Variants in GYS1 observed in about 807,000 individuals in gnomAD.
GYS1 encodes glycogen [starch] synthase, muscle.
A neutral mutation model predicts 89.1 loss-of-function variants in GYS1; 60 were observed. That is an observed-to-expected ratio of 0.67 (90% confidence interval 0.55 to 0.84). The LOEUF (loss-of-function observed/expected upper bound fraction) is 0.84, where lower values mean the gene tolerates loss of function less well. GYS1 is among the 40% of genes least tolerant of loss of function. The probability of loss-of-function intolerance (pLI) is 0.00; values close to 1 mark genes in which losing one functional copy is unlikely to be tolerated. For synonymous variants in GYS1, 366 were observed against 401.7 expected (o/e 0.91, Z 1.06); for missense variants, 888 against 1,003.1 (o/e 0.89, Z 1.55).
At chr19:48,970,441 G>A (rs1240596542) in intron 14 of GYS1, 105 bp downstream of exon 14, 11 of 956,680 alleles carry the variant, frequency 1.1e-5, no homozygotes, top group Non-Finnish European at 1.8e-5. Context: ...TGCTTAAAGG[G>A]ACAGCAACTG....
In GYS1 at chr19:48,968,456, G is replaced by A. The variant is rs2038494748; in HGVS notation, c.*832C>T. On this transcript the variant is annotated 3_prime_UTR_variant, in exon 16 of 16. Transcript: ENST00000323798. ...CAGTGGGCAGAGCAGTTGGGAATAA[G>A]CCAGGTTAGGGGTGGGGGAAGACAG... 8.8e-6 allele frequency: 4 copies of A among 454,572 alleles called. No homozygotes were observed. The highest frequency in any genetic ancestry group is 1.8e-5 in the Non-Finnish European group (4 of 226,794). 28.2% of individuals were successfully genotyped at this position (454,572 alleles called of 1,614,324 possible). A position where few individuals can be genotyped will look rare whatever the true frequency, so the allele number is the denominator to read the frequency against.
Position 48,977,973 on chromosome 19 carries a change from A to C in GYS1, c.1259T>G (p.Leu420Arg). Residue 420 changes from leucine (L) to arginine (R), a missense_variant, in exon 10 of 16, where the codon CTG becomes CGG. Physicochemically the swap from Leu to Arg is moderately radical, Grantham distance 102. Transcript: ENST00000323798. ...CATCATAGTGAAGTCTTCCTTATCC[A>C]GCATCTTGTTCATGTCGGGAAGGCT... ...VGSLPDMNKM[L>R]DKEDFTMMKR... 6.2e-7 allele frequency: 1 copy of C among 1,613,946 alleles called. No homozygotes were observed. Among genetic ancestry groups the C allele is most frequent in the South Asian group, 1.1e-5 (1 of 91,070 alleles).
chr19:48,992,943 C>A, intron 1 of GYS1, 52 bp downstream of exon 1: 1 of 1,044,370 alleles, frequency 9.6e-7, no homozygotes, highest in Non-Finnish European at 1.5e-6. Flanking sequence ...GTTCCGGGCC[C>A]CCATCCACTA....
chr19:48,982,705 A>G lies in GYS1; in HGVS notation c.941+15T>C. On this transcript the variant is annotated intron_variant, in intron 6 of 15. Coordinates refer to ENST00000323798, the MANE Select transcript of GYS1 (RefSeq NM_002103.5). ...CGCCCTCCTCTCTTAAGACCTAGGT[A>G]TATGCCCCACGTACCCATAAAAATG... 6.6e-7 allele frequency: 1 copy of G among 1,508,446 alleles called. No homozygotes were observed. The allele number at this position is 1,508,446 out of a possible 1,614,324, so 93.4% of individuals were successfully genotyped here.
intron 8 of GYS1, among the ~76,000 whole-genome samples, chr19:48,980,988 C>G (rs1358882636): frequency 6.6e-6 from 1 of 151,908 alleles, no homozygotes; most frequent in Non-Finnish European, 1.5e-5. Flanking sequence ...GTGGCACACC[C>G]CTGTAGTCCC....
At chr19:48,983,522 C>T (rs1045815323) in intron 5 of GYS1, among the ~76,000 whole-genome samples, 3 of 152,144 alleles carry the variant, frequency 2.0e-5, no homozygotes, top group African/African-American at 7.2e-5. Context: ...TAGGATATAT[C>T]CTCTACTTCC....
In GYS1 at chr19:48,968,245, T is replaced by C. The variant is rs542791878; in HGVS notation, c.*1043A>G. The C allele has an allele frequency of 2.2e-6, 1 of 454,166 alleles. No individual in the cohort carries two copies. The highest frequency in any genetic ancestry group is 4.4e-6 in the Non-Finnish European group (1 of 226,760). 28.1% of individuals were successfully genotyped at this position (454,166 alleles called of 1,614,324 possible). A position where few individuals can be genotyped will look rare whatever the true frequency, so the allele number is the denominator to read the frequency against. ...CGGTGCAGACACAGCACAGCACACA[T>C]GAGGGGCCCTCCCTTTCACCAAAGC... On this transcript the variant is annotated 3_prime_UTR_variant, in exon 16 of 16. Transcript: ENST00000323798.
chr19:48,979,931 G>C lies in GYS1; in HGVS notation c.1169+1599C>G, dbSNP rs566485805. On this transcript the variant is annotated intron_variant, in intron 8 of 15. Coordinates refer to ENST00000323798, the MANE Select transcript of GYS1 (RefSeq NM_002103.5). ...CAAAGTGCCGGGATTACAGGTGTGA[G>C]CCACCACGCCCGACTTCTTTTTTAT... Among the ~76,000 whole-genome samples the C allele has an allele frequency of 7.7e-4, 117 of 152,102 alleles. 1 individual carries two copies. Among genetic ancestry groups the C allele is most frequent in the African/African-American group, 2.7e-3 (114 of 41,494 alleles).
At chr19:48,973,574 C>A (rs996129553) in intron 12 of GYS1, among the ~76,000 whole-genome samples, 6 of 144,430 alleles carry the variant, frequency 4.2e-5, no homozygotes, top group African/African-American at 1.6e-4. Flanking sequence ...TGCCGGAGTG[C>A]AGTGGCATGA....
chr19:48,975,333 C>G (rs1378256964), intron 10 of GYS1, among the ~76,000 whole-genome samples: 1 of 151,484 alleles, frequency 6.6e-6, no homozygotes, highest in African/African-American at 2.4e-5. Context: ...TTTGGCCTCC[C>G]GAAGTGCTGG....
rs1279986067 is a variant in GYS1, at chr19:48,977,960, G to A, written c.1272C>T (p.Asp424=). The part of the protein sequence containing the change: ...PDMNKMLDKE[D]FTMMKRAIFA... Reference sequence around the variant, plus strand: ...AGATGGCTCTCTTCATCATAGTGAAGTCTTCCTTATCCAGCATCTTGTTCA... The same window carrying A: ...AGATGGCTCTCTTCATCATAGTGAAATCTTCCTTATCCAGCATCTTGTTCA... Residue 424 remains aspartate (D), a synonymous_variant, in exon 10 of 16, where the codon GAC becomes GAT. Coordinates refer to ENST00000323798, the MANE Select transcript of GYS1 (RefSeq NM_002103.5). The A allele has an allele frequency of 6.2e-7, 1 of 1,613,980 alleles. No individual in the cohort carries two copies. Among genetic ancestry groups the A allele is most frequent in the Admixed American group, 1.7e-5 (1 of 60,000 alleles).
intron 7 of GYS1, 133 bp downstream of exon 7, chr19:48,982,122 G>T: frequency 1.1e-6 from 1 of 908,968 alleles, no homozygotes; most frequent in South Asian, 1.3e-5. Context: ...CCATCTCCTG[G>T]GCTCAAGTGA....
rs139263019 is a variant in GYS1 at position 48,982,694 on chromosome 19, A to T, written c.941+26T>A. The T allele has an allele frequency of 6.2e-6, 9 of 1,452,750 alleles. No homozygotes were observed. The African/African-American group carries it at 8.4e-5, about 14-fold the overall frequency. The allele number at this position is 1,452,750 out of a possible 1,614,324, so 90.0% of individuals were successfully genotyped here. A position where few individuals can be genotyped will look rare whatever the true frequency, so the allele number is the denominator to read the frequency against. ...TAGGCTCCCAACGCCCTCCTCTCTT[A>T]AGACCTAGGTATATGCCCCACGTAC... is the stretch of plus-strand genomic sequence containing the variant. On this transcript the variant is annotated intron_variant, in intron 6 of 15. Transcript: ENST00000323798.
Position 48,970,679 on chromosome 19 carries a change from C to T in GYS1, c.1676G>A (p.Ser559Asn), listed in dbSNP as rs745662040. 3.7e-6 allele frequency: 6 copies of T among 1,613,986 alleles called. No homozygotes were observed. Among genetic ancestry groups the T allele is most frequent in the South Asian group, 1.1e-5 (1 of 91,068 alleles). ...GAGCTGCGAGCAGGAATCATCCAGG[C>T]TGCGGAACCGCCGGTCAAGAATGTA... ...GIYILDRRFR[S>N]LDDSCSQLTS... The change falls in exon 14 of 16, where the codon AGC becomes AAC. Residue 559 changes from serine (S) to asparagine (N), a missense_variant. Physicochemically the swap from Ser to Asn is conservative, Grantham distance 46. Transcript: ENST00000323798.
intron 2 of GYS1, among the ~76,000 whole-genome samples, chr19:48,990,482 C>T (rs1317401755): frequency 6.6e-6 from 1 of 152,152 alleles, no homozygotes; most frequent in Non-Finnish European, 1.5e-5. Flanking sequence ...CCTGTGGCTC[C>T]ATCCACCCTT....
Position 48,969,359 on chromosome 19 carries a change from T to C in GYS1, c.2143A>G (p.Thr715Ala). 1 of 1,583,830 alleles carries C rather than the reference T, an allele frequency of 6.3e-7. No individual in the cohort carries two copies. Among genetic ancestry groups the C allele is most frequent in the Non-Finnish European group, 8.5e-7 (1 of 1,170,422 alleles). ...GSKRNSVDTA[T>A]SSSLSTPSEP... is the part of the protein sequence containing the mutation. ...CTCGGGGTGCTGAGTGAGCTGGAGG[T>C]GGCCGTGTCCACAGAGTTGCGCTTG... The change falls in exon 16 of 16, where the codon ACC becomes GCC. Residue 715 changes from threonine (T) to alanine (A), a missense_variant. By Grantham distance (58) the Thr-to-Ala change is moderately conservative (BLOSUM62 0). Transcript: ENST00000323798.
chr19:48,974,444 C>T (rs2122476483), intron 11 of GYS1, 105 bp from the exon 12 acceptor site: 1 of 1,330,246 alleles, frequency 7.5e-7, no homozygotes, highest in South Asian at 1.2e-5. Flanking sequence ...CATCACACAG[C>T]ATGTGTTTGG....
intron 3 of GYS1, 125 bp from the exon 4 acceptor site, chr19:48,986,160 G>T: frequency 1.1e-5 from 9 of 845,992 alleles, no homozygotes; most frequent in Non-Finnish European, 1.2e-5. Context: ...AGTGGGCAGC[G>T]GCCCACTGCA....
At position 48,968,572 on chromosome 19, in the gene GYS1, A is replaced by T; in HGVS notation, c.*716T>A. 1 of 454,478 alleles carries T rather than the reference A, an allele frequency of 2.2e-6. No individual in the cohort carries two copies. The highest frequency in any genetic ancestry group is 1.6e-5 in the South Asian group (1 of 64,472). 28.2% of individuals were successfully genotyped at this position (454,478 alleles called of 1,614,324 possible). A position where few individuals can be genotyped will look rare whatever the true frequency, so the allele number is the denominator to read the frequency against. On this transcript the variant is annotated 3_prime_UTR_variant, in exon 16 of 16. Transcript: ENST00000323798. ...ATCTGGTCCAGAAAGGGCCAGAAAG[A>T]CAGGAAGGCATCTGGACTGAGACTG...
Sources: allele counts gnomAD v4.1 joint callset (sites outside exome capture counted in the v4.1 genomes callset), GRCh38; gene constraint gnomAD v4.1.1; transcripts MANE v1.5; gene names NCBI Gene and HGNC (gene_info 2026-07-23, HGNC 2026-07-21).